Variants in SPAG1 observed in about 807,000 individuals in gnomAD.
SPAG1 encodes the protein sperm-associated antigen 1.
A neutral mutation model predicts 100.5 loss-of-function variants in SPAG1; 69 were observed. The observed-to-expected ratio is 0.69, with a 90% CI of 0.57 to 0.84. The LOEUF is 0.84. Ranked by LOEUF, SPAG1 falls within the 40% of genes least tolerant of loss-of-function variation. SPAG1 has a pLI of 0.00. For synonymous variants in SPAG1, 336 were observed against 411.6 expected, an observed-to-expected ratio of 0.82 and a Z score of 2.22; for missense variants, 955 against 1,133.1, an observed-to-expected ratio of 0.84 and a Z score of 2.26.
intron 10 of SPAG1, among the ~76,000 whole-genome samples, chr8:100,197,862 C>A (rs1011399834): frequency 6.6e-6 from 1 of 152,154 alleles, no homozygotes; most frequent in Non-Finnish European, 1.5e-5. Context: ...TGAGATAAGA[C>A]AATTGATAGG....
At chr8:100,202,709 CAAAAAAAAA>C (rs750153561) in intron 10 of SPAG1, among the ~76,000 whole-genome samples, 3 of 27,466 alleles carry the variant, frequency 1.1e-4, no homozygotes, top group Non-Finnish European at 1.9e-4. Flanking sequence ...GACTCCGTCT[CAAAAAAAAA>C]AAAAAAAAAA....
intron 10 of SPAG1, among the ~76,000 whole-genome samples, chr8:100,203,928 G>A (rs916188390): frequency 6.6e-6 from 1 of 152,184 alleles, no homozygotes. Context: ...GTTAAAATAA[G>A]GGCATTGATT....
intron 10 of SPAG1, chr8:100,194,594 A>G: frequency 2.2e-6 from 1 of 459,612 alleles, no homozygotes; most frequent in Non-Finnish European, 3.8e-6. Flanking sequence ...TGTTTTGTAT[A>G]TATCTACTTG....
intron 10 of SPAG1, among the ~76,000 whole-genome samples, chr8:100,197,914 G>T (rs1817100309): frequency 6.6e-6 from 1 of 152,142 alleles, no homozygotes; most frequent in Non-Finnish European, 1.5e-5. Flanking sequence ...TTAACAAATT[G>T]CCTATTGGCC....
At chr8:100,211,970 T>G (rs1233001617) in intron 10 of SPAG1, among the ~76,000 whole-genome samples, 1 of 152,224 alleles carries the variant, frequency 6.6e-6, no homozygotes, top group African/African-American at 2.4e-5. Context: ...GAGAACCTGA[T>G]TGACAGAAAC....
rs1008722886 is a variant in SPAG1, at chr8:100,162,134, G to C, written c.-2-145G>C. The C allele has an allele frequency of 4.4e-4, 266 of 601,460 alleles. 2 individuals are homozygous for C. The highest frequency in any genetic ancestry group is 8.0e-5 in the Non-Finnish European group (28 of 351,800). 37.3% of individuals were successfully genotyped at this position (601,460 alleles called of 1,614,324 possible). On this transcript the variant is annotated intron_variant, in intron 1 of 18. Coordinates refer to ENST00000388798, the MANE Select transcript of SPAG1 (RefSeq NM_003114.5). ...GCTTGAGGCCAGAAGTTAGAGACCA[G>C]CCTGGGCAACATAGGGAGACTCTGT...
intron 14 of SPAG1, among the ~76,000 whole-genome samples, chr8:100,229,405 C>T (rs371426794): frequency 2.0e-5 from 3 of 152,108 alleles, no homozygotes; most frequent in African/African-American, 4.8e-5. Flanking sequence ...GCCCGGGCGA[C>T]AGAGCGAGAC....
chr8:100,208,985 G>C (rs3133408), intron 10 of SPAG1, among the ~76,000 whole-genome samples: 68,800 of 151,938 alleles, frequency 0.45, 16,704 homozygotes, highest in African/African-American at 0.62. Context: ...GTGTGTCTGT[G>C]AGGGTGTTGC....
At chr8:100,231,348 T>G (rs1212193300) in intron 15 of SPAG1, 60 bp downstream of exon 15, 2 of 1,164,334 alleles carry the variant, frequency 1.7e-6, no homozygotes, top group Non-Finnish European at 2.4e-6. Flanking sequence ...TTAAAAATAT[T>G]TTAAGTTATT....
rs1817828197 is a variant in SPAG1, at chr8:100,213,431, A to G, written c.1435+3A>G. ...AATCGCGCTCCTGGAGCCAGCAGGT[A>G]GGTGCGCCGCGCCCCGCCGCTTCCT... On this transcript the variant is annotated splice_donor_region_variant and intron_variant, in intron 11 of 18. Coordinates refer to ENST00000388798, the MANE Select transcript of SPAG1 (RefSeq NM_003114.5). 5.0e-6 allele frequency: 7 copies of G among 1,394,076 alleles called. No individual in the cohort carries two copies. Among genetic ancestry groups the G allele is most frequent in the African/African-American group, 1.5e-5 (1 of 65,740 alleles). 86.4% of individuals were successfully genotyped at this position (1,394,076 alleles called of 1,614,324 possible). A position where few individuals can be genotyped will look rare whatever the true frequency, so the allele number is the denominator to read the frequency against.
chr8:100,181,150 T>G (rs2132251119), intron 4 of SPAG1, among the ~76,000 whole-genome samples: 1 of 152,348 alleles, frequency 6.6e-6, no homozygotes, highest in Non-Finnish European at 1.5e-5. Context: ...ACATTAGAAT[T>G]TATCATGTAT....
chr8:100,233,258 C>T (rs1818858813), intron 15 of SPAG1, 153 bp from the exon 16 acceptor site: 1 of 778,392 alleles, frequency 1.3e-6, no homozygotes, highest in African/African-American at 1.7e-5. Context: ...ATGCCCAGTG[C>T]CATAATTGAA....
chr8:100,193,773 G>T (rs576437222), intron 9 of SPAG1, among the ~76,000 whole-genome samples: 1 of 152,066 alleles, frequency 6.6e-6, no homozygotes, highest in Non-Finnish European at 1.5e-5. Flanking sequence ...AACAAACAGC[G>T]TATGTAGCAT....
Position 100,241,042 on chromosome 8 carries a change from T to G in SPAG1, c.*20T>G. ...CTTTAAATCAAGATAATTGTTAGATTTCTTCCATGCATGTATGTGTTCCAG... is the reference window on the plus strand; with the variant it reads ...CTTTAAATCAAGATAATTGTTAGATGTCTTCCATGCATGTATGTGTTCCAG... On this transcript the variant is annotated 3_prime_UTR_variant, in exon 19 of 19. Transcript: ENST00000388798. The surrounding 1 kb of genome is among the most constrained non-coding windows in gnomAD (Gnocchi z 5.1). 1 of 1,608,238 alleles carries G rather than the reference T, an allele frequency of 6.2e-7. No individual in the cohort carries two copies.
chr8:100,171,716 C>A (rs1319623641), intron 3 of SPAG1, among the ~76,000 whole-genome samples: 1 of 152,144 alleles, frequency 6.6e-6, no homozygotes. Context: ...TGAGTTGGAG[C>A]AAATGTAGGG....
At chr8:100,192,175 A>G (rs545137049) in intron 9 of SPAG1, among the ~76,000 whole-genome samples, 8 of 152,318 alleles carry the variant, frequency 5.3e-5, no homozygotes, top group African/African-American at 1.7e-4. Context: ...TCAAAAATTT[A>G]GGAAACCAGC....
intron 16 of SPAG1, among the ~76,000 whole-genome samples, chr8:100,236,390 C>T (rs1056984853): frequency 9.9e-5 from 15 of 152,202 alleles, no homozygotes; most frequent in African/African-American, 3.1e-4. Context: ...GCAATCCTCC[C>T]ACTTTGGCCT....
At chr8:100,173,196 A>G (rs1815959320) in intron 3 of SPAG1, among the ~76,000 whole-genome samples, 2 of 150,982 alleles carry the variant, frequency 1.3e-5, no homozygotes, top group Admixed American at 1.3e-4. Context: ...TCACCACCAC[A>G]CTCAGCTAAT....
intron 9 of SPAG1, 76 bp from the exon 10 acceptor site, chr8:100,194,036 T>C (rs1413816339): frequency 8.7e-7 from 1 of 1,148,990 alleles, no homozygotes; most frequent in Admixed American, 2.9e-5. Context: ...AACATCTTTA[T>C]GTTTTTAACC....
Sources: allele counts gnomAD v4.1 joint callset (sites outside exome capture counted in the v4.1 genomes callset), GRCh38; gene constraint gnomAD v4.1.1; non-coding constraint Gnocchi (gnomAD v3.1); transcripts MANE v1.5; gene names NCBI Gene and HGNC (gene_info 2026-07-23, HGNC 2026-07-21).